Variants in TAX1BP1 observed in about 807,000 individuals in gnomAD.
TAX1BP1 encodes the protein Tax1 binding protein 1.
Under a neutral mutation model 97.7 loss-of-function variants are expected in TAX1BP1, and 62 were observed. That is an observed-to-expected ratio of 0.63 (90% CI 0.52 to 0.78). TAX1BP1 has a LOEUF of 0.78. TAX1BP1 is among the 30% of genes least tolerant of loss of function. The probability of loss-of-function intolerance (pLI) is 0.00; values close to 1 mark genes in which losing one functional copy is unlikely to be tolerated. For missense variants in TAX1BP1, 867 were observed against 916.1 expected (o/e 0.95, Z 0.69); for synonymous variants, 340 against 304.2 (o/e 1.12, Z -1.23).
chr7:27,758,176 T>C (rs1252060815), intron 3 of TAX1BP1, 43 bp downstream of exon 3: 2 of 1,436,732 alleles, frequency 1.4e-6, no homozygotes. Context: ...CTAGATGTCT[T>C]ATTGCCATTA....
intron 13 of TAX1BP1, among the ~76,000 whole-genome samples, chr7:27,805,577 C>T (rs1790307316): frequency 6.6e-6 from 1 of 152,176 alleles, no homozygotes. Flanking sequence ...TGGCTTACGC[C>T]TGTAATCCTA....
At chr7:27,763,042 C>T (rs769367036) in intron 3 of TAX1BP1, among the ~76,000 whole-genome samples, 3 of 152,076 alleles carry the variant, frequency 2.0e-5, no homozygotes, top group Non-Finnish European at 4.4e-5. Context: ...TTTTGAAATT[C>T]AGAAATAAAA....
rs1791090500 is a variant in TAX1BP1, at chr7:27,824,357, G to GT, written c.2086-3378dup. 2.0e-5 allele frequency among the ~76,000 whole-genome samples: 3 copies of GT among 151,742 alleles called. No homozygotes were observed. In the South Asian group the frequency reaches 6.3e-4, roughly 32 times the overall value. The stretch of plus-strand genomic sequence containing the variant: ...GTGGGAGGACTGCTTGAGCCCAGGA[G>GT]TTTGAGACCAGCCTGGGTAACATAG... On this transcript the variant is annotated intron_variant, in intron 15 of 16. Coordinates refer to ENST00000396319, the MANE Select transcript of TAX1BP1 (RefSeq NM_006024.7).
At chr7:27,759,922 C>T (rs1788359479) in intron 3 of TAX1BP1, among the ~76,000 whole-genome samples, 1 of 149,372 alleles carries the variant, frequency 6.7e-6, no homozygotes, top group South Asian at 2.1e-4. Flanking sequence ...GGTGTGATCT[C>T]AGTTCACTGC....
intron 1 of TAX1BP1, among the ~76,000 whole-genome samples, chr7:27,744,833 A>G (rs1787759734): frequency 6.6e-6 from 1 of 151,920 alleles, no homozygotes. Flanking sequence ...TATATTATTT[A>G]TCTTTTTTAT....
At chr7:27,813,708 C>T (rs771054835) in intron 13 of TAX1BP1, among the ~76,000 whole-genome samples, 4 of 152,128 alleles carry the variant, frequency 2.6e-5, no homozygotes, top group Non-Finnish European at 5.9e-5. Flanking sequence ...AATCCTCCTG[C>T]TTTGGCCTCC....
At chr7:27,783,846 C>T (rs1402011902) in intron 5 of TAX1BP1, among the ~76,000 whole-genome samples, 1 of 152,032 alleles carries the variant, frequency 6.6e-6, no homozygotes, top group Non-Finnish European at 1.5e-5. Context: ...GAAAATGTGC[C>T]CAATTTCACA....
At chr7:27,755,294 CTATATCCA>C (rs1317763644) in intron 2 of TAX1BP1, among the ~76,000 whole-genome samples, 1 of 152,122 alleles carries the variant, frequency 6.6e-6, no homozygotes, top group Non-Finnish European at 1.5e-5. Flanking sequence ...GGGAATCCTC[CTATATCCA>C]TATGTAATCA....
intron 2 of TAX1BP1, among the ~76,000 whole-genome samples, chr7:27,754,078 C>T (rs916509189): frequency 3.3e-5 from 5 of 152,116 alleles, no homozygotes; most frequent in Admixed American, 2.0e-4. Flanking sequence ...AGTCACATTG[C>T]TAATGCATAA....
At chr7:27,769,966 T>C (rs1005347538) in intron 5 of TAX1BP1, 132 bp downstream of exon 5, 9 of 778,228 alleles carry the variant, frequency 1.2e-5, no homozygotes, top group Non-Finnish European at 1.9e-5. Flanking sequence ...TAGACGTTTA[T>C]ACAAGAACAG....
At chr7:27,824,509 G>A (rs1466835390) in intron 15 of TAX1BP1, among the ~76,000 whole-genome samples, 1 of 138,838 alleles carries the variant, frequency 7.2e-6, no homozygotes, top group Non-Finnish European at 1.5e-5. Flanking sequence ...ATCCATGATC[G>A]TGCCACTGCA....
At chr7:27,744,824 A>G (rs1429301740) in intron 1 of TAX1BP1, among the ~76,000 whole-genome samples, 1 of 152,190 alleles carries the variant, frequency 6.6e-6, no homozygotes, top group Admixed American at 6.5e-5. Context: ...TGCCCACTAT[A>G]TATTATTTAT....
intron 4 of TAX1BP1, among the ~76,000 whole-genome samples, chr7:27,768,067 G>A (rs1788708107): frequency 6.6e-6 from 1 of 151,770 alleles, no homozygotes; most frequent in African/African-American, 2.4e-5. Context: ...GGATAGTGAG[G>A]GATATTTGAC....
At chr7:27,780,395 C>T (rs1341985575) in intron 5 of TAX1BP1, among the ~76,000 whole-genome samples, 1 of 152,204 alleles carries the variant, frequency 6.6e-6, no homozygotes, top group East Asian at 1.9e-4. Context: ...TACTTAACTT[C>T]TCTGTGGCTC....
intron 13 of TAX1BP1, among the ~76,000 whole-genome samples, chr7:27,809,427 A>ATT (rs1370398166): frequency 6.6e-6 from 1 of 152,082 alleles, no homozygotes; most frequent in Non-Finnish European, 1.5e-5. Context: ...AATAGATACA[A>ATT]TTTTTTTTGC....
At chr7:27,824,811 A>G (rs1791111165) in intron 15 of TAX1BP1, among the ~76,000 whole-genome samples, 1 of 152,160 alleles carries the variant, frequency 6.6e-6, no homozygotes, top group African/African-American at 2.4e-5. Flanking sequence ...GGATTAAAGT[A>G]ATATTAATAA....
chr7:27,821,504 G>A (rs1790972267), intron 15 of TAX1BP1, among the ~76,000 whole-genome samples: 1 of 151,932 alleles, frequency 6.6e-6, no homozygotes, highest in African/African-American at 2.4e-5. Context: ...GCATGGTGGT[G>A]CACGCCAGTA....
intron 5 of TAX1BP1, among the ~76,000 whole-genome samples, chr7:27,784,805 G>A (rs1475314307): frequency 6.6e-6 from 1 of 151,676 alleles, no homozygotes; most frequent in Admixed American, 6.6e-5. Flanking sequence ...GGGTGACATG[G>A]CAAAACCCTG....
intron 1 of TAX1BP1, among the ~76,000 whole-genome samples, chr7:27,741,594 A>G (rs1241243967): frequency 6.6e-6 from 1 of 150,478 alleles, no homozygotes; most frequent in Non-Finnish European, 1.5e-5. Flanking sequence ...TCCGCCTCCC[A>G]GGTTCAAGCG....
Sources: allele counts gnomAD v4.1 joint callset (sites outside exome capture counted in the v4.1 genomes callset), GRCh38; gene constraint gnomAD v4.1.1; transcripts MANE v1.5; gene names NCBI Gene and HGNC (gene_info 2026-07-23, HGNC 2026-07-21).